The following STK32A variants were observed in gnomAD, a reference collection of about 807,000 sequenced individuals.
The protein encoded by STK32A is serine/threonine-protein kinase 32A.
STK32A carries 41 observed loss-of-function variants against 53.2 expected under a neutral mutation model. The observed-to-expected ratio is 0.77, with a 90% CI of 0.60 to 1.00. The LOEUF is 1.00. STK32A is among the 50% of genes least tolerant of loss of function. The probability of loss-of-function intolerance (pLI) is 0.00; values close to 1 mark genes in which losing one functional copy is unlikely to be tolerated. For synonymous variants in STK32A, 166 were observed against 162.8 expected, an observed-to-expected ratio of 1.02 and a Z score of -0.15; for missense variants, 458 against 485.8, an observed-to-expected ratio of 0.94 and a Z score of 0.54.
chr5:147,246,005 T>C (rs910725812), intron 2 of STK32A, among the ~76,000 whole-genome samples: 3 of 152,232 alleles, frequency 2.0e-5, no homozygotes, highest in African/African-American at 7.2e-5. Flanking sequence ...AAATTTCTTT[T>C]GTTATTTGAC....
At chr5:147,258,981 C>T (rs749258399) in intron 2 of STK32A, among the ~76,000 whole-genome samples, 15 of 152,202 alleles carry the variant, frequency 9.9e-5, no homozygotes, top group African/African-American at 3.1e-4. Context: ...ACAGCTCTCA[C>T]GTTTGAACAG....
chr5:147,377,317 T>C (rs1757271257), intron 11 of STK32A, among the ~76,000 whole-genome samples: 2 of 152,082 alleles, frequency 1.3e-5, no homozygotes, highest in Non-Finnish European at 2.9e-5. Context: ...TTGATACCTG[T>C]TTTGTGGTTT....
At chr5:147,272,502 G>C (rs1189946776) in intron 2 of STK32A, among the ~76,000 whole-genome samples, 3 of 152,204 alleles carry the variant, frequency 2.0e-5, no homozygotes, top group African/African-American at 7.2e-5. Flanking sequence ...GGTATGAATG[G>C]ACAGAGGCAA....
intron 2 of STK32A, among the ~76,000 whole-genome samples, chr5:147,277,654 T>C (rs1316072890): frequency 6.6e-6 from 1 of 152,200 alleles, no homozygotes; most frequent in Admixed American, 6.5e-5. Flanking sequence ...TGATCCTCGG[T>C]AAAGCCATAC....
chr5:147,269,853 G>A (rs1754954772), intron 2 of STK32A, among the ~76,000 whole-genome samples: 1 of 152,162 alleles, frequency 6.6e-6, no homozygotes, highest in East Asian at 1.9e-4. Flanking sequence ...CACCTTAAAA[G>A]CATACACTCA....
intron 11 of STK32A, among the ~76,000 whole-genome samples, chr5:147,376,729 G>C (rs911348903): frequency 6.6e-6 from 1 of 152,036 alleles, no homozygotes; most frequent in African/African-American, 2.4e-5. Context: ...GCTCTTCCCT[G>C]TTCCTAGAAT....
At chr5:147,392,276 G>C (rs917297411), downstream of STK32A, 2 of 152,206 alleles carry the variant, frequency 1.3e-5, no homozygotes, top group African/African-American at 4.8e-5. Context: ...TATTCTAAGG[G>C]GAAATAGTCT....
At chr5:147,249,907 T>TAAAAAAAA (rs1367203350) in intron 2 of STK32A, among the ~76,000 whole-genome samples, 1 of 12,152 alleles carries the variant, frequency 8.2e-5, no homozygotes, top group Admixed American at 1.1e-3. Flanking sequence ...AGCCTCTGTC[T>TAAAAAAAA]CAAAAAAAAA....
intron 6 of STK32A, among the ~76,000 whole-genome samples, chr5:147,346,914 T>G (rs144408373): frequency 6.6e-6 from 1 of 152,196 alleles, no homozygotes; most frequent in Non-Finnish European, 1.5e-5. Context: ...GAGAAAAAAC[T>G]GAGGCTGCCA....
the STK32A span, among the ~76,000 whole-genome samples, chr5:147,397,174 CTATA>C: frequency 2.7e-5 from 4 of 147,896 alleles, no homozygotes; most frequent in South Asian, 2.1e-4. Context: ...ATCTATAGAC[CTATA>C]TATATATATA....
intron 2 of STK32A, among the ~76,000 whole-genome samples, chr5:147,277,513 T>A (rs1391568736): frequency 6.6e-6 from 1 of 152,208 alleles, no homozygotes; most frequent in Non-Finnish European, 1.5e-5. Context: ...GTTACAAGTC[T>A]GCACTTTGGA....
intron 2 of STK32A, among the ~76,000 whole-genome samples, chr5:147,267,544 G>A (rs1754860982): frequency 6.6e-6 from 1 of 152,118 alleles, no homozygotes; most frequent in South Asian, 2.1e-4. Context: ...TGTATATTAA[G>A]GTATTTGGAT....
At chr5:147,274,891 G>A (rs575945986) in intron 2 of STK32A, among the ~76,000 whole-genome samples, 1 of 152,016 alleles carries the variant, frequency 6.6e-6, no homozygotes, top group African/African-American at 2.4e-5. Context: ...TAATCTCAGT[G>A]GTCATCAAAC....
At chr5:147,332,921 A>G (rs575296931) in intron 5 of STK32A, among the ~76,000 whole-genome samples, 1 of 152,360 alleles carries the variant, frequency 6.6e-6, no homozygotes, top group African/African-American at 2.4e-5. Context: ...CCATTTGTGA[A>G]AACCCATGTG....
At chr5:147,237,203 C>T (rs1753361026) in intron 1 of STK32A, among the ~76,000 whole-genome samples, 1 of 151,968 alleles carries the variant, frequency 6.6e-6, no homozygotes. Context: ...GTCTCAGCTA[C>T]TTGGGAGGCT....
the STK32A span, among the ~76,000 whole-genome samples, chr5:147,396,434 C>T: frequency 6.6e-6 from 1 of 152,166 alleles, no homozygotes; most frequent in Non-Finnish European, 1.5e-5. Context: ...TGCAAGACCA[C>T]CCATGGCAGC....
intron 4 of STK32A, among the ~76,000 whole-genome samples, chr5:147,286,939 A>G (rs1752374407): frequency 6.6e-6 from 1 of 152,176 alleles, no homozygotes; most frequent in African/African-American, 2.4e-5. Context: ...GCTTGGCCTC[A>G]TCAGCTGACT....
chr5:147,392,496 C>T (rs542218190), downstream of STK32A: 11 of 152,342 alleles, frequency 7.2e-5, no homozygotes, highest in South Asian at 2.3e-3. Flanking sequence ...GTTACAGGTG[C>T]TACCACTTGG....
chr5:147,239,494 A>G (rs1753472585), intron 1 of STK32A, 45 bp from the exon 2 acceptor site: 1 of 623,310 alleles, frequency 1.6e-6, no homozygotes, highest in Non-Finnish European at 2.8e-6. Context: ...CAGGGTGCCT[A>G]GAGTATAGCA....
Sources: allele counts gnomAD v4.1 joint callset (sites outside exome capture counted in the v4.1 genomes callset), GRCh38; gene constraint gnomAD v4.1.1; transcripts MANE v1.5; gene names NCBI Gene and HGNC (gene_info 2026-07-23, HGNC 2026-07-21).